The following ZNF536 variants were observed in gnomAD, a reference collection of about 807,000 sequenced individuals.
ZNF536 encodes zinc finger protein 536.
ZNF536 carries 13 observed loss-of-function variants against 84.5 expected under a neutral mutation model. The observed-to-expected ratio is 0.15, with a 90% confidence interval of 0.10 to 0.24. The LOEUF is 0.24. ZNF536 is among the 10% of genes least tolerant of loss of function. The probability of loss-of-function intolerance (pLI) is 1.00; values close to 1 mark genes in which losing one functional copy is unlikely to be tolerated. For missense variants in ZNF536, 1,536 were observed against 1,747.5 expected (o/e 0.88, Z 2.16); for synonymous variants, 811 against 742.5 (o/e 1.09, Z -1.50).
chr19:30,476,013 G>A (rs1042839018), intron 2 of ZNF536, among the ~76,000 whole-genome samples: 6 of 152,280 alleles, frequency 3.9e-5, no homozygotes, highest in Non-Finnish European at 5.9e-5. Flanking sequence ...CAACGGAGTC[G>A]AACTCATTTG....
At chr19:30,534,792 G>A (rs912056810) in intron 2 of ZNF536, 55 bp from the exon 3 acceptor site, 10 of 1,524,496 alleles carry the variant, frequency 6.6e-6, no homozygotes, top group African/African-American at 5.5e-5. Context: ...GTTTTGGTGC[G>A]AACAACTCCT....
At chr19:30,480,667 TA>T (rs2054043012) in intron 2 of ZNF536, among the ~76,000 whole-genome samples, 1 of 152,206 alleles carries the variant, frequency 6.6e-6, no homozygotes, top group Non-Finnish European at 1.5e-5. Flanking sequence ...TATACCTATG[TA>T]ACAAACCTGC....
At chr19:30,309,076 A>G (rs992546757) in intron 2 of ZNF536, among the ~76,000 whole-genome samples, 9 of 152,324 alleles carry the variant, frequency 5.9e-5, no homozygotes, top group African/African-American at 2.2e-4. Context: ...TGGAAAAGAC[A>G]AGAAGTCCAT....
chr19:30,540,069 C>T (rs959518808), intron 3 of ZNF536, among the ~76,000 whole-genome samples: 3 of 152,204 alleles, frequency 2.0e-5, no homozygotes, highest in African/African-American at 2.4e-5. Flanking sequence ...GTTCCAGCCC[C>T]GAGTCGGGAA....
chr19:30,648,929 G>A (rs1240837000), intron 1 of ZNF536, among the ~76,000 whole-genome samples: 1 of 152,210 alleles, frequency 6.6e-6, no homozygotes, highest in Non-Finnish European at 1.5e-5. Context: ...TGGGCCCAGG[G>A]TTCCCTCTGA....
At chr19:30,622,542 T>G (rs544310683) in intron 1 of ZNF536, among the ~76,000 whole-genome samples, 1 of 152,316 alleles carries the variant, frequency 6.6e-6, no homozygotes, top group African/African-American at 2.4e-5. Flanking sequence ...ATAGACAGCG[T>G]CACTTTCACA....
At chr19:30,338,259 AGATGATTGAT>A (rs1323544694) in intron 2 of ZNF536, among the ~76,000 whole-genome samples, 1 of 151,754 alleles carries the variant, frequency 6.6e-6, no homozygotes, top group Non-Finnish European at 1.5e-5. Flanking sequence ...ATGATGATAA[AGATGATTGAT>A]GATGATGGTG....
intron 1 of ZNF536, among the ~76,000 whole-genome samples, chr19:30,236,537 G>A (rs1401966964): frequency 2.0e-5 from 3 of 151,084 alleles, no homozygotes; most frequent in African/African-American, 4.9e-5. Context: ...GGCGGGGGGG[G>A]GGTACAATTG....
intron 1 of ZNF536, among the ~76,000 whole-genome samples, chr19:30,700,501 C>T (rs1424020102): frequency 6.6e-6 from 1 of 152,106 alleles, no homozygotes; most frequent in East Asian, 1.9e-4. Flanking sequence ...GACCCTCCTG[C>T]CTCAGGCTCC....
At chr19:30,487,007 A>G (rs959401682) in intron 2 of ZNF536, among the ~76,000 whole-genome samples, 3 of 152,208 alleles carry the variant, frequency 2.0e-5, no homozygotes, top group African/African-American at 7.2e-5. Context: ...ATTGAATGAT[A>G]ACAAATATTA....
chr19:30,540,000 T>C (rs1327147449), intron 3 of ZNF536, among the ~76,000 whole-genome samples: 1 of 152,226 alleles, frequency 6.6e-6, no homozygotes, highest in Non-Finnish European at 1.5e-5. Context: ...ATCTCATTAG[T>C]TTCTTCTCCC....
chr19:30,258,082 C>T (rs962658241), intron 1 of ZNF536, among the ~76,000 whole-genome samples: 2 of 152,322 alleles, frequency 1.3e-5, no homozygotes, highest in African/African-American at 2.4e-5. Context: ...ACAGTTTGTT[C>T]TCCACTGGCT....
At chr19:30,409,853 T>TAGATATCTCTCTATATAGATGTAA (rs2050407838) in intron 1 of ZNF536, among the ~76,000 whole-genome samples, 1 of 152,240 alleles carries the variant, frequency 6.6e-6, no homozygotes, top group Admixed American at 6.5e-5. Context: ...ATATTTTATG[T>TAGATATCTCTCTATATAGATGTAA]AGATATCTCT....
At chr19:30,370,055 G>A (rs1221526422), upstream of ZNF536, among the ~76,000 whole-genome samples, 1 of 152,202 alleles carries the variant, frequency 6.6e-6, no homozygotes, top group East Asian at 1.9e-4. Flanking sequence ...AGTTTGGGAT[G>A]CAGAATGCTG....
chr19:30,662,730 A>T (rs1415770679), intron 1 of ZNF536, among the ~76,000 whole-genome samples: 1 of 152,120 alleles, frequency 6.6e-6, no homozygotes, highest in African/African-American at 2.4e-5. Context: ...CCATTTCCCC[A>T]TGTTAATGCT....
intron 2 of ZNF536, among the ~76,000 whole-genome samples, chr19:30,306,350 A>G (rs1434907797): frequency 6.6e-6 from 1 of 152,136 alleles, no homozygotes; most frequent in African/African-American, 2.4e-5. Flanking sequence ...TTCCTGGCTG[A>G]ATATCTGAGC....
At chr19:30,303,946 G>A (rs555873202) in intron 2 of ZNF536, among the ~76,000 whole-genome samples, 2 of 152,292 alleles carry the variant, frequency 1.3e-5, no homozygotes, top group East Asian at 3.9e-4. Context: ...ATGGGGGCAA[G>A]CACACGTGCC....
chr19:30,430,724 G>C (rs937646969), intron 1 of ZNF536, among the ~76,000 whole-genome samples: 1 of 152,222 alleles, frequency 6.6e-6, no homozygotes, highest in Non-Finnish European at 1.5e-5. Context: ...ACCCAGGCTA[G>C]AGTGCAGTGG....
chr19:30,361,375 A>T (rs2048270412), intron 3 of ZNF536, among the ~76,000 whole-genome samples: 4 of 142,392 alleles, frequency 2.8e-5, no homozygotes, highest in African/African-American at 7.9e-5. Context: ...TTTTTTTTTA[A>T]GCCTTCTTTT....
Sources: allele counts gnomAD v4.1 joint callset (sites outside exome capture counted in the v4.1 genomes callset), GRCh38; gene constraint gnomAD v4.1.1; transcripts MANE v1.5; gene names NCBI Gene and HGNC (gene_info 2026-07-23, HGNC 2026-07-21).